The following DNAH7 variants were observed in gnomAD, a reference collection of about 807,000 sequenced individuals.
DNAH7 encodes the protein dynein axonemal heavy chain 7.
In DNAH7, 397 loss-of-function variants were observed where a neutral mutation model predicts 444.6. The ratio of observed to expected loss-of-function variants is 0.89; its 90% CI spans 0.82 to 0.97. The LOEUF (loss-of-function observed/expected upper bound fraction) is 0.97, where lower values mean the gene tolerates loss of function less well. DNAH7 is among the 50% of genes least tolerant of loss of function. The probability of loss-of-function intolerance (pLI) is 0.00; values close to 1 mark genes in which losing one functional copy is unlikely to be tolerated. For missense variants in DNAH7, 4,902 were observed against 4,800.8 expected, an observed-to-expected ratio of 1.02 and a Z score of -0.62; for synonymous variants, 1,636 against 1,624.4, an observed-to-expected ratio of 1.01 and a Z score of -0.17.
At chr2:195,800,648 C>T (rs1374782829) in intron 54 of DNAH7, among the ~76,000 whole-genome samples, 2 of 152,164 alleles carry the variant, frequency 1.3e-5, no homozygotes, top group Admixed American at 6.5e-5. Context: ...GAGACATTGT[C>T]GCCTGGCTCC....
chr2:195,998,155 C>T (rs1041916186), intron 12 of DNAH7, among the ~76,000 whole-genome samples: 5 of 152,168 alleles, frequency 3.3e-5, no homozygotes, highest in Non-Finnish European at 5.9e-5. Context: ...ATCTCTCTTC[C>T]TGAGAAGTTT....
At chr2:195,803,578 G>A (rs1228748432) in intron 54 of DNAH7, among the ~76,000 whole-genome samples, 1 of 152,220 alleles carries the variant, frequency 6.6e-6, no homozygotes, top group Non-Finnish European at 1.5e-5. Context: ...GCCAGCGTTA[G>A]GTTTGTAAAA....
Position 195,900,263 on chromosome 2 carries a change from G to A in DNAH7, c.4548+19C>T. The A allele has an allele frequency of 1.2e-6, 2 of 1,611,706 alleles. No homozygotes were observed. Among genetic ancestry groups the A allele is most frequent in the Non-Finnish European group, 1.7e-6 (2 of 1,177,972 alleles). ...CTACAAATAGGAAATTTACAAGTAA[G>A]AAATATTGTGTTCTCTACCTTCAGA... is the stretch of plus-strand genomic sequence containing the variant. On this transcript the variant is annotated intron_variant, in intron 28 of 64. Transcript: ENST00000312428.
chr2:195,888,543 G>T, intron 32 of DNAH7, 109 bp from the exon 33 acceptor site: 1 of 1,152,900 alleles, frequency 8.7e-7, no homozygotes, highest in Non-Finnish European at 1.2e-6. Flanking sequence ...GCGGGGGGAA[G>T]CTTAATATTA....
intron 19 of DNAH7, among the ~76,000 whole-genome samples, chr2:195,952,658 T>G (rs1236715499): frequency 6.6e-6 from 1 of 152,206 alleles, no homozygotes; most frequent in African/African-American, 2.4e-5. Flanking sequence ...TCATCTTGTC[T>G]TCATGCTTTA....
At chr2:195,778,256 C>A (rs1324146695) in intron 58 of DNAH7, among the ~76,000 whole-genome samples, 1 of 151,970 alleles carries the variant, frequency 6.6e-6, no homozygotes, top group Non-Finnish European at 1.5e-5. Flanking sequence ...TATTTCAACA[C>A]CTACTATGTG....
At chr2:196,005,769 T>C (rs1694337439) in intron 10 of DNAH7, among the ~76,000 whole-genome samples, 2 of 152,318 alleles carry the variant, frequency 1.3e-5, no homozygotes, top group South Asian at 4.1e-4. Context: ...ATGGCTTCAC[T>C]GGTAGTTCTA....
At chr2:195,846,573 T>C (rs1699012821) in intron 46 of DNAH7, among the ~76,000 whole-genome samples, 2 of 152,202 alleles carry the variant, frequency 1.3e-5, no homozygotes, top group African/African-American at 4.8e-5. Flanking sequence ...TAATACTGAA[T>C]GTCAACTTGA....
chr2:195,796,689 C>T lies in DNAH7; in HGVS notation c.10402G>A (p.Gly3468Arg), dbSNP rs761317151. ...LSSLSLGQGQGPIAMKMLEKA... is the reference protein window; with the variant it reads ...LSSLSLGQGQRPIAMKMLEKA... Reference sequence around the variant, plus strand: ...TCTAACATCTTCATAGCAATGGGCCCTTGGCCTTGACCAAGAGATAAAGAG... The same window carrying T: ...TCTAACATCTTCATAGCAATGGGCCTTTGGCCTTGACCAAGAGATAAAGAG... The change falls in exon 56 of 65, where the codon GGG becomes AGG. Residue 3468 changes from glycine (G) to arginine (R), a missense_variant. Gly to Arg is a moderately radical substitution (Grantham distance 125). Transcript: ENST00000312428. 1.2e-6 allele frequency: 2 copies of T among 1,614,050 alleles called. No homozygotes were observed. Among genetic ancestry groups the T allele is most frequent in the Admixed American group, 3.3e-5 (2 of 60,010 alleles).
intron 19 of DNAH7, among the ~76,000 whole-genome samples, chr2:195,954,362 C>A (rs903843302): frequency 6.6e-6 from 1 of 152,184 alleles, no homozygotes; most frequent in African/African-American, 2.4e-5. Context: ...TGAACTCATC[C>A]TTATTTATGG....
intron 9 of DNAH7, among the ~76,000 whole-genome samples, chr2:196,013,824 T>G (rs1694854909): frequency 6.6e-6 from 1 of 152,244 alleles, no homozygotes; most frequent in African/African-American, 2.4e-5. Context: ...TCTCTTTAGC[T>G]TCCTAGTCAA....
At chr2:195,937,612 G>C (rs1689142422) in intron 19 of DNAH7, among the ~76,000 whole-genome samples, 1 of 152,020 alleles carries the variant, frequency 6.6e-6, no homozygotes, top group Non-Finnish European at 1.5e-5. Flanking sequence ...TATCTATACA[G>C]TAACCACCAA....
intron 22 of DNAH7, among the ~76,000 whole-genome samples, chr2:195,925,516 A>T (rs113439583): frequency 1.2e-3 from 182 of 152,322 alleles, no homozygotes; most frequent in African/African-American, 4.3e-3. Flanking sequence ...CCTGCTTTTC[A>T]TGAAGAAAGA....
intron 63 of DNAH7, among the ~76,000 whole-genome samples, chr2:195,750,725 A>G (rs1409648560): frequency 6.6e-6 from 1 of 152,150 alleles, no homozygotes; most frequent in African/African-American, 2.4e-5. Flanking sequence ...TGATAATAGT[A>G]GTATCTGAGC....
At chr2:195,780,565 A>G (rs1284910897) in intron 58 of DNAH7, among the ~76,000 whole-genome samples, 1 of 152,046 alleles carries the variant, frequency 6.6e-6, no homozygotes, top group Non-Finnish European at 1.5e-5. Context: ...CCTGGCCAAC[A>G]TGGTGAAACC....
rs1697606832 is a variant in DNAH7, at chr2:195,824,272, GA to G, written c.9273del (p.Pro3092LeufsTer5). 3.1e-6 allele frequency: 5 copies of G among 1,612,370 alleles called. No homozygotes were observed. Among genetic ancestry groups the G allele is most frequent in the East Asian group, 2.2e-5 (1 of 44,852 alleles). The stretch of plus-strand genomic sequence containing the variant: ...ATACTGGCCTTTACTGATGTTTCAG[GA>G]AGATAATGAGGATTTCTTAACTTGG... The part of the protein sequence containing the change: ...ITTKLRNPHY[L>X]PETSVKVTLL... On this transcript the variant is annotated frameshift_variant, in exon 49 of 65. Transcript: ENST00000312428. LOFTEE classifies it high-confidence loss of function.
chr2:195,930,400 C>G (rs1275328725), intron 21 of DNAH7, among the ~76,000 whole-genome samples: 1 of 152,086 alleles, frequency 6.6e-6, no homozygotes, highest in African/African-American at 2.4e-5. Flanking sequence ...AGAAGACATA[C>G]TAGTGACCAA....
intron 5 of DNAH7, among the ~76,000 whole-genome samples, chr2:196,030,619 G>A (rs571028743): frequency 2.0e-4 from 31 of 152,314 alleles, no homozygotes; most frequent in African/African-American, 7.2e-4. Flanking sequence ...TATAATGGGG[G>A]TACAGGTATT....
chr2:195,807,336 T>C (rs1248212735), intron 53 of DNAH7, among the ~76,000 whole-genome samples: 1 of 152,074 alleles, frequency 6.6e-6, no homozygotes, highest in Non-Finnish European at 1.5e-5. Context: ...TTTTGTATTT[T>C]TAGTAGAGAT....
Sources: gnomAD v4.1 joint callset for allele counts (sites outside exome capture counted in the v4.1 genomes callset) on GRCh38, gnomAD v4.1.1 for gene constraint, MANE v1.5 for transcripts, NCBI Gene and HGNC (gene_info 2026-07-23, HGNC 2026-07-21) for gene names.